RSU1: variants seen among roughly 807,000 people sequenced by gnomAD.
The protein encoded by RSU1 is Ras suppressor protein 1.
In RSU1, 26 loss-of-function variants were observed where a neutral mutation model predicts 31.1. That is an observed-to-expected ratio of 0.84 (90% confidence interval 0.61 to 1.16). The LOEUF is 1.16. RSU1 is among the 50% of genes most tolerant of loss of function. RSU1 has a pLI of 0.00. For missense variants in RSU1, 320 were observed against 339.1 expected (o/e 0.94, Z 0.44); for synonymous variants, 164 against 136.3 (o/e 1.20, Z -1.41).
chr10:16,624,407 C>T (rs772250857), intron 8 of RSU1, among the ~76,000 whole-genome samples: 1 of 152,206 alleles, frequency 6.6e-6, no homozygotes, highest in Middle Eastern at 3.4e-3. Context: ...AATATGATCC[C>T]TCCTCCTGAG....
intron 7 of RSU1, among the ~76,000 whole-genome samples, chr10:16,726,866 C>T (rs990005909): frequency 4.6e-5 from 7 of 152,108 alleles, no homozygotes; most frequent in East Asian, 1.9e-4. Flanking sequence ...TTGGATGAAG[C>T]GAGCCAGTAG....
chr10:16,815,196 G>C (rs1444390061), intron 2 of RSU1, among the ~76,000 whole-genome samples: 3 of 152,230 alleles, frequency 2.0e-5, no homozygotes, highest in South Asian at 2.1e-4. Context: ...CTGACAGCAA[G>C]GACCCTTACG....
chr10:16,757,611 T>C lies in RSU1; in HGVS notation c.282-2622A>G, dbSNP rs532729662. Among the ~76,000 whole-genome samples the C allele has an allele frequency of 4.6e-5, 7 of 152,332 alleles. No individual in the cohort carries two copies. The South Asian group carries it at 6.2e-4, about 14-fold the overall frequency. ...AATACAGGTAAGATGGAGCTTGTCA[T>C]TAATGCTATGTTGAGATGAAAAAAC... On this transcript the variant is annotated intron_variant, in intron 4 of 8. Coordinates refer to ENST00000345264, the MANE Select transcript of RSU1 (RefSeq NM_012425.4).
intron 3 of RSU1, among the ~76,000 whole-genome samples, chr10:16,773,976 T>C (rs968116581): frequency 6.6e-6 from 1 of 152,022 alleles, no homozygotes; most frequent in Non-Finnish European, 1.5e-5. Context: ...GGGTTCAGAC[T>C]GAAAACAGCA....
At chr10:16,691,183 G>A (rs1870150) in intron 8 of RSU1, among the ~76,000 whole-genome samples, 3,031 of 152,088 alleles carry the variant, frequency 0.02, 93 homozygotes, top group African/African-American at 0.069. Context: ...CTGCTAATTC[G>A]CATAATATTT....
At chr10:16,785,897 T>A (rs377210464) in intron 2 of RSU1, among the ~76,000 whole-genome samples, 1 of 152,184 alleles carries the variant, frequency 6.6e-6, no homozygotes, top group Non-Finnish European at 1.5e-5. Flanking sequence ...TTTGACACAA[T>A]GTCAATATCC....
intron 2 of RSU1, among the ~76,000 whole-genome samples, chr10:16,806,095 G>C (rs945325988): frequency 9.9e-5 from 15 of 152,260 alleles, no homozygotes; most frequent in Admixed American, 9.2e-4. Context: ...ACTTCAATAA[G>C]GTTTTTTGGA....
chr10:16,611,823 G>C (rs1046133950), intron 8 of RSU1, among the ~76,000 whole-genome samples: 2 of 152,240 alleles, frequency 1.3e-5, no homozygotes, highest in South Asian at 2.1e-4. Flanking sequence ...GAGCGAGAGA[G>C]AGTGAGAGAG....
At chr10:16,727,985 A>G (rs1183961242) in intron 7 of RSU1, among the ~76,000 whole-genome samples, 1 of 152,214 alleles carries the variant, frequency 6.6e-6, no homozygotes, top group Non-Finnish European at 1.5e-5. Flanking sequence ...TTCAACACCC[A>G]TCTGGCATCT....
intron 3 of RSU1, among the ~76,000 whole-genome samples, chr10:16,774,090 G>A (rs1267643756): frequency 6.9e-6 from 1 of 144,284 alleles, no homozygotes; most frequent in Non-Finnish European, 1.5e-5. Context: ...AATGGGAAAG[G>A]TATTCCGTTA....
intron 7 of RSU1, among the ~76,000 whole-genome samples, chr10:16,725,923 C>G (rs1836384161): frequency 6.7e-6 from 1 of 149,596 alleles, no homozygotes; most frequent in Non-Finnish European, 1.5e-5. Context: ...GCCAAATAAG[C>G]AACAAATCAA....
At chr10:16,741,400 G>A (rs1334814520) in intron 7 of RSU1, among the ~76,000 whole-genome samples, 1 of 152,126 alleles carries the variant, frequency 6.6e-6, no homozygotes, top group Admixed American at 6.5e-5. Context: ...GAAAGAAAAG[G>A]GTATGGCATT....
At chr10:16,735,451 T>C (rs1041219920) in intron 7 of RSU1, among the ~76,000 whole-genome samples, 7 of 152,302 alleles carry the variant, frequency 4.6e-5, no homozygotes, top group Admixed American at 1.3e-4. Context: ...TTGGCAGTTA[T>C]CAAAAATTAA....
chr10:16,694,823 A>G (rs922842210), intron 8 of RSU1, among the ~76,000 whole-genome samples, 200 bp downstream of exon 8: 2 of 152,056 alleles, frequency 1.3e-5, no homozygotes, highest in African/African-American at 4.8e-5. Flanking sequence ...GCAATCCTCT[A>G]GTCTCGACTT....
intron 8 of RSU1, among the ~76,000 whole-genome samples, chr10:16,616,039 T>A (rs1237507132): frequency 6.7e-6 from 1 of 149,800 alleles, no homozygotes; most frequent in Non-Finnish European, 1.5e-5. Flanking sequence ...ACTGAAGGAG[T>A]CAGAGACAGG....
intron 8 of RSU1, among the ~76,000 whole-genome samples, chr10:16,604,700 C>T (rs1833771778): frequency 6.6e-6 from 1 of 152,144 alleles, no homozygotes; most frequent in South Asian, 2.1e-4. Context: ...AGTTTAAATA[C>T]CGTGATGTGA....
At chr10:16,695,190 C>T (rs769925779) in intron 7 of RSU1, 35 bp from the exon 8 acceptor site, 1 of 1,574,560 alleles carries the variant, frequency 6.4e-7, no homozygotes, top group Non-Finnish European at 8.6e-7. Flanking sequence ...AAGGTCACTT[C>T]ATCCAATACA....
chr10:16,594,325 G>A (rs1260075540), intron 8 of RSU1, among the ~76,000 whole-genome samples: 1 of 152,128 alleles, frequency 6.6e-6, no homozygotes, highest in Non-Finnish European at 1.5e-5. Flanking sequence ...TGTACCAGGT[G>A]GCCCAGCTCC....
intron 2 of RSU1, among the ~76,000 whole-genome samples, chr10:16,795,633 A>G (rs1838014739): frequency 2.0e-5 from 3 of 152,182 alleles, no homozygotes. Flanking sequence ...GAAGCTGATT[A>G]ATTCTGATAC....
Sources: gnomAD v4.1 joint callset for allele counts (sites outside exome capture counted in the v4.1 genomes callset) on GRCh38, gnomAD v4.1.1 for gene constraint, MANE v1.5 for transcripts, NCBI Gene and HGNC (gene_info 2026-07-23, HGNC 2026-07-21) for gene names.